CDHR3: variants seen among roughly 807,000 people sequenced by gnomAD.
CDHR3 encodes the protein cadherin-related family member 3.
In CDHR3, 79 loss-of-function variants were observed where a neutral mutation model predicts 86.6. That is an observed-to-expected ratio of 0.91 (90% CI 0.76 to 1.10). The LOEUF (loss-of-function observed/expected upper bound fraction) is 1.10, where lower values mean the gene tolerates loss of function less well. CDHR3 is among the 50% of genes least tolerant of loss of function. The probability of loss-of-function intolerance (pLI) is 0.00; values close to 1 mark genes in which losing one functional copy is unlikely to be tolerated. For missense variants in CDHR3, 1,081 were observed against 1,077.6 expected, an observed-to-expected ratio of 1.00 and a Z score of -0.04; for synonymous variants, 421 against 402.4, an observed-to-expected ratio of 1.05 and a Z score of -0.55.
Position 106,015,974 on chromosome 7 carries a change from C to G in CDHR3, c.1375C>G (p.Leu459Val), listed in dbSNP as rs1266127628. ...AACAAGCCCAGAAAATGAGTTTCCT[C>G]TCATTTTTGATAGGCCATCCTATGT... The part of the protein sequence containing the change: ...ILTSPENEFP[L>V]IFDRPSYVFD... The change falls in exon 11 of 19, where the codon CTC (leucine) becomes GTC (valine). Residue 459 changes from leucine (L) to valine (V), a missense_variant. Transcript: ENST00000317716. 1.2e-6 allele frequency: 2 copies of G among 1,613,276 alleles called. No individual in the cohort carries two copies. The highest frequency in any genetic ancestry group is 1.7e-5 in the Admixed American group (1 of 59,964).
chr7:106,015,496 G>A (rs192838241), intron 10 of CDHR3, among the ~76,000 whole-genome samples: 15 of 151,614 alleles, frequency 9.9e-5, no homozygotes, highest in Non-Finnish European at 1.6e-4. Flanking sequence ...TTCACCATTC[G>A]GTTGCTGCTT....
At chr7:105,964,622 T>C (rs1271003074) in intron 1 of CDHR3, among the ~76,000 whole-genome samples, 1 of 151,906 alleles carries the variant, frequency 6.6e-6, no homozygotes, top group East Asian at 1.9e-4. Context: ...TATAAGAATA[T>C]TACAGTATTT....
intron 16 of CDHR3, 52 bp downstream of exon 16, chr7:106,026,747 T>G: frequency 6.2e-7 from 1 of 1,600,010 alleles, no homozygotes; most frequent in Non-Finnish European, 8.6e-7. Flanking sequence ...TGCTCTGTTG[T>G]GCTACGTAAA....
intron 8 of CDHR3, 71 bp downstream of exon 8, chr7:106,004,758 G>A (rs1833707659): frequency 5.6e-6 from 8 of 1,421,726 alleles, no homozygotes; most frequent in Non-Finnish European, 5.9e-6. Context: ...TGCTTCTCTG[G>A]TATATTCTCA....
At chr7:106,024,352 C>T in intron 14 of CDHR3, 29 bp from the exon 15 acceptor site, 4 of 1,606,232 alleles carry the variant, frequency 2.5e-6, no homozygotes, top group Non-Finnish European at 3.4e-6. Flanking sequence ...CCACCCTCTA[C>T]TCACCCTCCC....
chr7:105,996,268 G>A lies in CDHR3; in HGVS notation c.627G>A (p.Glu209=), dbSNP rs1328655521. 6.3e-7 allele frequency: 1 copy of A among 1,591,574 alleles called. No individual in the cohort carries two copies. The highest frequency in any genetic ancestry group is 8.6e-7 in the Non-Finnish European group (1 of 1,161,108). ...CTGGCAGTTTCCATCTCATCGTGGAGGTGAGGGACAGTGGAGGCCTCAAAG... is the reference window on the plus strand; with the variant it reads ...CTGGCAGTTTCCATCTCATCGTGGAAGTGAGGGACAGTGGAGGCCTCAAAG... ...AGHRSFHLIV[E]VRDSGGLKAS... The change falls in exon 6 of 19, where the codon GAG becomes GAA. Residue 209 remains glutamate (E), a synonymous_variant. Coordinates refer to ENST00000317716, the MANE Select transcript of CDHR3 (RefSeq NM_152750.5).
chr7:105,991,941 G>A lies in CDHR3; in HGVS notation c.514-2810G>A, dbSNP rs868528627. Among the ~76,000 whole-genome samples, 3 of 152,154 alleles carry A rather than the reference G, an allele frequency of 2.0e-5. No homozygotes were observed. The South Asian group carries it at 6.2e-4, about 32-fold the overall frequency. ...TATTACTCTTTGCAGGCACTCACAT[G>A]GCTACAAAGTGATGAACCAGGGTTC... On this transcript the variant is annotated intron_variant, in intron 4 of 18. Coordinates refer to ENST00000317716, the MANE Select transcript of CDHR3 (RefSeq NM_152750.5).
Position 106,036,123 on chromosome 7 carries a change from G to A in CDHR3, c.*3426G>A, listed in dbSNP as rs978962361. ...AGACTTTGAAACTGCATAGTAGATT[G>A]TGACATTGGAGCTTTTTGTTGTGCT... On this transcript the variant is annotated 3_prime_UTR_variant, in exon 19 of 19. Transcript: ENST00000317716. 6.6e-6 allele frequency: 1 copy of A among 152,206 alleles called. No individual in the cohort carries two copies. The highest frequency in any genetic ancestry group is 6.5e-5 in the Admixed American group (1 of 15,286). The allele number at this position is 152,206 out of a possible 1,614,324, so 9.4% of individuals were successfully genotyped here. A position where few individuals can be genotyped will look rare whatever the true frequency, so the allele number is the denominator to read the frequency against.
At chr7:105,985,157 G>T (rs970593608) in intron 4 of CDHR3, among the ~76,000 whole-genome samples, 2 of 152,078 alleles carry the variant, frequency 1.3e-5, no homozygotes, top group African/African-American at 4.8e-5. Context: ...CTGAGACAGC[G>T]GATGTCTCTT....
intron 8 of CDHR3, among the ~76,000 whole-genome samples, chr7:106,011,173 A>G (rs1165526264): frequency 6.6e-6 from 1 of 152,194 alleles, no homozygotes; most frequent in Admixed American, 6.5e-5. Flanking sequence ...AAACAAACAA[A>G]AAAGAAAGAA....
intron 4 of CDHR3, among the ~76,000 whole-genome samples, chr7:105,987,161 G>GT (rs1262672681): frequency 2.6e-5 from 4 of 152,134 alleles, no homozygotes; most frequent in African/African-American, 9.7e-5. Context: ...AGCTGCCCAG[G>GT]TAGGAAACAA....
intron 13 of CDHR3, among the ~76,000 whole-genome samples, 168 bp downstream of exon 13, chr7:106,020,712 C>A (rs1836437643): frequency 6.6e-6 from 1 of 152,104 alleles, no homozygotes; most frequent in South Asian, 2.1e-4. Flanking sequence ...TAGTTTTGAA[C>A]CCCTGGGCTC....
chr7:105,974,359 C>G (rs1179999002), intron 1 of CDHR3, among the ~76,000 whole-genome samples: 4 of 152,122 alleles, frequency 2.6e-5, no homozygotes, highest in Non-Finnish European at 5.9e-5. Flanking sequence ...AGAGATTTAC[C>G]ATGATTTTGG....
At chr7:105,971,663 A>T (rs1827998097) in intron 1 of CDHR3, among the ~76,000 whole-genome samples, 1 of 152,208 alleles carries the variant, frequency 6.6e-6, no homozygotes, top group Admixed American at 6.5e-5. Flanking sequence ...AGCTATCAGC[A>T]GGCAATATTT....
chr7:106,013,198 T>C (rs376690306), intron 9 of CDHR3, among the ~76,000 whole-genome samples, 167 bp downstream of exon 9: 1 of 152,194 alleles, frequency 6.6e-6, no homozygotes, highest in Non-Finnish European at 1.5e-5. Context: ...CTCTTTATTT[T>C]ACCCTGGTTC....
intron 8 of CDHR3, among the ~76,000 whole-genome samples, chr7:106,012,211 A>G (rs1425235201): frequency 6.6e-6 from 1 of 152,228 alleles, no homozygotes; most frequent in Non-Finnish European, 1.5e-5. Context: ...ATAGAAAATA[A>G]GCAGAATAAA....
At chr7:106,004,185 T>G (rs933417152) in intron 7 of CDHR3, among the ~76,000 whole-genome samples, 1 of 152,268 alleles carries the variant, frequency 6.6e-6, no homozygotes, top group Non-Finnish European at 1.5e-5. Flanking sequence ...CAGTTATAAA[T>G]TCTCCAATAA....
At chr7:105,986,572 T>C (rs901457115) in intron 4 of CDHR3, among the ~76,000 whole-genome samples, 34 of 152,268 alleles carry the variant, frequency 2.2e-4, no homozygotes, top group African/African-American at 7.2e-4. Context: ...GCTTCAGAAA[T>C]GAAGACCCAA....
chr7:105,987,480 A>G (rs189116526), intron 4 of CDHR3, among the ~76,000 whole-genome samples: 13 of 152,346 alleles, frequency 8.5e-5, no homozygotes, highest in Non-Finnish European at 1.5e-4. Context: ...TAGACGTTTT[A>G]TTCTGGGTGC....
Sources: gnomAD v4.1 joint callset for allele counts (sites outside exome capture counted in the v4.1 genomes callset) on GRCh38, gnomAD v4.1.1 for gene constraint, MANE v1.5 for transcripts, NCBI Gene and HGNC (gene_info 2026-07-23, HGNC 2026-07-21) for gene names.